Variants in KLF8 observed in about 807,000 individuals in gnomAD.
The protein encoded by KLF8 is Krueppel-like factor 8.
KLF8 carries 10 observed loss-of-function variants against 18.2 expected under a neutral mutation model. The ratio of observed to expected loss-of-function variants is 0.55; its 90% CI spans 0.34 to 0.93. The LOEUF (loss-of-function observed/expected upper bound fraction) is 0.93, where lower values mean the gene tolerates loss of function less well. Ranked by LOEUF, KLF8 falls within the 40% of genes least tolerant of loss-of-function variation. The pLI is 0.02. For missense variants in KLF8, 264 were observed against 277.9 expected (o/e 0.95, Z 0.36); for synonymous variants, 109 against 97.3 (o/e 1.12, Z -0.71).
chrX:56,081,290 G>T, the KLF8 span, among the ~76,000 whole-genome samples: 1 of 111,340 alleles, frequency 9.0e-6, no homozygotes, highest in East Asian at 2.8e-4. Flanking sequence ...TCTACTTTTG[G>T]TCTTTGATGA....
chrX:56,015,303 C>T, the KLF8 span: 1 of 111,859 alleles, frequency 8.9e-6, no homozygotes, highest in African/African-American at 3.2e-5. Flanking sequence ...GAATCACTCT[C>T]TAAGGTTGCT....
At chrX:55,936,727 A>T in the KLF8 span, among the ~76,000 whole-genome samples, 2 of 112,052 alleles carry the variant, frequency 1.8e-5, no homozygotes, top group Admixed American at 9.4e-5. Context: ...CCAGGAGATT[A>T]TATCCTGCAC....
chrX:55,991,677 C>T, the KLF8 span, among the ~76,000 whole-genome samples: 5 of 112,505 alleles, frequency 4.4e-5, no homozygotes, highest in Non-Finnish European at 9.4e-5. Context: ...TGAGAATTCT[C>T]CAAACTGCTT....
intron 2 of KLF8, among the ~76,000 whole-genome samples, chrX:56,260,312 A>G (rs1407397687): frequency 9.0e-6 from 1 of 111,695 alleles, no homozygotes; most frequent in Non-Finnish European, 1.9e-5. Flanking sequence ...AGCCCACTAC[A>G]ATGTGTTATA....
chrX:56,079,136 A>G, the KLF8 span, among the ~76,000 whole-genome samples: 1 of 109,908 alleles, frequency 9.1e-6, no homozygotes, highest in African/African-American at 3.3e-5. Context: ...TTGTGTCTCT[A>G]TTTCCTTCAG....
At chrX:55,910,100 G>A in the KLF8 span, among the ~76,000 whole-genome samples, 24 of 112,093 alleles carry the variant, frequency 2.1e-4, no homozygotes, top group African/African-American at 7.4e-4. Context: ...AGTTCCCGGT[G>A]CTCTGCAATT....
At chrX:56,175,032 C>A in the KLF8 span, among the ~76,000 whole-genome samples, 2 of 110,556 alleles carry the variant, frequency 1.8e-5, no homozygotes, top group Non-Finnish European at 3.8e-5. Flanking sequence ...TTTTGGTGAT[C>A]CCTTCAAAAA....
At chrX:56,077,076 TC>T in the KLF8 span, among the ~76,000 whole-genome samples, 1 of 111,926 alleles carries the variant, frequency 8.9e-6, no homozygotes, top group Non-Finnish European at 1.9e-5. Context: ...AAAAATTTTC[TC>T]CCATTTTGTA....
chrX:56,185,139 G>A, the KLF8 span, among the ~76,000 whole-genome samples: 3 of 112,077 alleles, frequency 2.7e-5, no homozygotes, highest in Non-Finnish European at 5.6e-5. Context: ...AAATTTAGAC[G>A]AATGTATAAC....
chrX:56,090,923 A>G, the KLF8 span, among the ~76,000 whole-genome samples: 2 of 111,987 alleles, frequency 1.8e-5, no homozygotes, highest in African/African-American at 6.5e-5. Context: ...AGTGGCTTCT[A>G]GCTGTGTTCA....
the KLF8 span, among the ~76,000 whole-genome samples, chrX:56,062,108 CTT>C: frequency 9.4e-6 from 1 of 106,160 alleles, no homozygotes; most frequent in Admixed American, 1.0e-4. Context: ...GGTCTTGACT[CTT>C]TATCCAATTT....
chrX:55,999,778 A>T, the KLF8 span, among the ~76,000 whole-genome samples: 1 of 111,128 alleles, frequency 9.0e-6, no homozygotes, highest in African/African-American at 3.3e-5. Context: ...AAGGTATAAG[A>T]TCATATCATT....
the KLF8 span, among the ~76,000 whole-genome samples, chrX:56,076,139 C>G: frequency 9.7e-6 from 1 of 103,155 alleles, no homozygotes; most frequent in Non-Finnish European, 1.9e-5. Context: ...GACATGAACT[C>G]ATAATTTTTT....
chrX:56,269,521 G>T, intron 4 of KLF8, 32 bp downstream of exon 4: 1 of 1,089,476 alleles, frequency 9.2e-7, no homozygotes, highest in Non-Finnish European at 1.2e-6. Context: ...GTCTGTCTTT[G>T]TGTATGTGTG....
rs1258583502 is a variant in KLF8 at position 56,289,565 on chromosome X, G to A, written c.*5071G>A. Among the ~76,000 whole-genome samples, 3 of 111,334 alleles carry A rather than the reference G, an allele frequency of 2.7e-5. No individual in the cohort carries two copies. The highest frequency in any genetic ancestry group is 9.8e-5 in the African/African-American group (3 of 30,674). ...CAGATTTTTATTTAGCTAAACATGA[G>A]TTCATATTGATGTTTTCAACTCTAA... On this transcript the variant is annotated 3_prime_UTR_variant, in exon 6 of 6. Coordinates refer to ENST00000468660, the MANE Select transcript of KLF8 (RefSeq NM_007250.5).
chrX:56,119,992 C>CTA, the KLF8 span, among the ~76,000 whole-genome samples: 8,722 of 105,665 alleles, frequency 0.083, 903 homozygotes, highest in African/African-American at 0.28. Flanking sequence ...TTTAGAAAGG[C>CTA]TATATATATA....
chrX:56,028,895 C>T, the KLF8 span, among the ~76,000 whole-genome samples: 11 of 111,156 alleles, frequency 9.9e-5, no homozygotes, highest in Non-Finnish European at 1.7e-4. Flanking sequence ...GTCACAGTAG[C>T]TTGGTTAACC....
chrX:56,247,829 CT>C (rs1391917079), intron 1 of KLF8, among the ~76,000 whole-genome samples: 1 of 110,882 alleles, frequency 9.0e-6, no homozygotes. Flanking sequence ...TTATAATTAA[CT>C]TTTTTTTAGT....
the KLF8 span, among the ~76,000 whole-genome samples, chrX:56,092,652 A>G: frequency 0.53 from 58,136 of 109,495 alleles, 13,708 homozygotes; most frequent in Non-Finnish European, 0.73. Flanking sequence ...TTTTATACTA[A>G]TACTATTCTG....
Sources: allele counts gnomAD v4.1 joint callset (sites outside exome capture counted in the v4.1 genomes callset), GRCh38; gene constraint gnomAD v4.1.1; transcripts MANE v1.5; gene names NCBI Gene and HGNC (gene_info 2026-07-23, HGNC 2026-07-21).